Variants in ATP10D observed in about 807,000 individuals in gnomAD.
ATP10D encodes the protein ATPase phospholipid transporting 10D (putative), also known as phospholipid-transporting ATPase VD.
Under a neutral mutation model 144.8 loss-of-function variants are expected in ATP10D, and 89 were observed. The ratio of observed to expected loss-of-function variants is 0.61; its 90% CI spans 0.52 to 0.73. ATP10D has a LOEUF of 0.73. Ranked by LOEUF, ATP10D falls within the 30% of genes least tolerant of loss-of-function variation. The pLI is 0.00. For missense variants in ATP10D, 1,603 were observed against 1,714.8 expected (o/e 0.93, Z 1.15); for synonymous variants, 571 against 615.1 (o/e 0.93, Z 1.06).
At chr4:47,526,954 C>A (rs73813579) in intron 5 of ATP10D, among the ~76,000 whole-genome samples, 124 of 152,162 alleles carry the variant, frequency 8.1e-4, no homozygotes, top group African/African-American at 2.8e-3. Context: ...AAGAAATTGA[C>A]AATCTTATTT....
intron 16 of ATP10D, among the ~76,000 whole-genome samples, 168 bp from the exon 17 acceptor site, chr4:47,571,986 A>T (rs1719975969): frequency 6.6e-6 from 1 of 152,340 alleles, no homozygotes; most frequent in South Asian, 2.1e-4. Context: ...TCCTGATGGC[A>T]GTGGGATGCC....
intron 18 of ATP10D, among the ~76,000 whole-genome samples, chr4:47,574,671 G>C (rs1340409239): frequency 2.0e-5 from 3 of 152,172 alleles, no homozygotes; most frequent in Non-Finnish European, 4.4e-5. Flanking sequence ...TAGATCACGA[G>C]GTCAAGAGAT....
intron 1 of ATP10D, among the ~76,000 whole-genome samples, chr4:47,498,034 T>G (rs1031870527): frequency 6.6e-6 from 1 of 152,226 alleles, no homozygotes; most frequent in African/African-American, 2.4e-5. Context: ...ATGTCAGATG[T>G]CTTACGTACA....
At chr4:47,550,497 G>A (rs1157433396) in intron 10 of ATP10D, among the ~76,000 whole-genome samples, 7 of 151,990 alleles carry the variant, frequency 4.6e-5, no homozygotes, top group South Asian at 2.1e-4. Flanking sequence ...TGGGGGGGGC[G>A]GTCCTTGCTC....
At chr4:47,542,626 C>A (rs566268812) in intron 9 of ATP10D, among the ~76,000 whole-genome samples, 3 of 151,732 alleles carry the variant, frequency 2.0e-5, no homozygotes, top group Non-Finnish European at 2.9e-5. Context: ...TACAGGTGCC[C>A]GCCACCACAC....
chr4:47,525,507 T>C (rs1456717319), intron 4 of ATP10D, 50 bp from the exon 5 acceptor site: 1 of 1,305,176 alleles, frequency 7.7e-7, no homozygotes, highest in East Asian at 2.3e-5. Context: ...ACTTCAATAT[T>C]AAGGGTTTAA....
At chr4:47,511,391 C>T (rs1047954673) in intron 1 of ATP10D, among the ~76,000 whole-genome samples, 1 of 152,074 alleles carries the variant, frequency 6.6e-6, no homozygotes, top group African/African-American at 2.4e-5. Context: ...TATCCAGGCA[C>T]AACTACATAT....
chr4:47,555,712 A>G (rs554988778), intron 11 of ATP10D, among the ~76,000 whole-genome samples: 1 of 152,136 alleles, frequency 6.6e-6, no homozygotes, highest in African/African-American at 2.4e-5. Context: ...CAGGCAAAAT[A>G]TACCGTATTG....
intron 1 of ATP10D, among the ~76,000 whole-genome samples, chr4:47,509,961 T>C (rs1716231597): frequency 1.3e-5 from 2 of 151,248 alleles, no homozygotes. Flanking sequence ...TGTGTGTGTG[T>C]GTGTGTGTGT....
At chr4:47,583,669 A>T (rs564958664) in intron 21 of ATP10D, among the ~76,000 whole-genome samples, 1 of 152,354 alleles carries the variant, frequency 6.6e-6, no homozygotes, top group South Asian at 2.1e-4. Context: ...AAAGGTTCTG[A>T]CATTTATTAG....
At position 47,536,473 on chromosome 4, in the gene ATP10D, A is replaced by AT. The variant is rs911237323; in HGVS notation, c.1058dup (p.Asn354GlnfsTer6). 5.0e-6 allele frequency: 8 copies of AT among 1,613,468 alleles called. No homozygotes were observed. Among genetic ancestry groups the AT allele is most frequent in the South Asian group, 1.1e-5 (1 of 91,062 alleles). On this transcript the variant is annotated frameshift_variant, in exon 8 of 23. Coordinates refer to ENST00000273859, the MANE Select transcript of ATP10D (RefSeq NM_020453.4). LOFTEE classifies it high-confidence loss of function. ...TGGCTGAGCAGGTATGAAAAGATGC[A>AT]TTTTTTCAATGTTCCCGAGCCTGAT...
intron 1 of ATP10D, among the ~76,000 whole-genome samples, chr4:47,499,714 A>C (rs28361369): frequency 0.028 from 4,191 of 152,318 alleles, 198 homozygotes; most frequent in African/African-American, 0.095. Flanking sequence ...TTGTATAATG[A>C]TTTCTATCCT....
At chr4:47,510,578 TG>T (rs1423676168) in intron 1 of ATP10D, among the ~76,000 whole-genome samples, 1 of 152,194 alleles carries the variant, frequency 6.6e-6, no homozygotes, top group African/African-American at 2.4e-5. Flanking sequence ...AGTTCTTGTC[TG>T]GGTTGTGGAA....
chr4:47,518,110 A>G (rs994660763), intron 3 of ATP10D, among the ~76,000 whole-genome samples: 1 of 152,206 alleles, frequency 6.6e-6, no homozygotes, highest in Non-Finnish European at 1.5e-5. Flanking sequence ...GTAAATGTAT[A>G]TGAAATACAA....
rs1321916728 is a variant in ATP10D, at chr4:47,563,720, A to G, written c.2808A>G (p.Leu936=). Residue 936 remains leucine, a synonymous_variant, in exon 15 of 23, where the codon CTA becomes CTG. Transcript: ENST00000273859. ...TAVNIAYACK[L]LEPDDKLFIL... ...TCAACATAGCTTATGCATGCAAACT[A>G]CTGGAGCCAGATGACAAGCTTTTTA... is the stretch of plus-strand genomic sequence containing the variant. 4 of 1,612,358 alleles carry G rather than the reference A, an allele frequency of 2.5e-6. No homozygotes were observed. Among genetic ancestry groups the G allele is most frequent in the East Asian group, 4.5e-5 (2 of 44,864 alleles).
In ATP10D at chr4:47,535,583, C is replaced by G. The variant is rs760633635; in HGVS notation, c.851C>G (p.Thr284Arg). The change falls in exon 6 of 23, where the codon ACA (threonine) becomes AGA (arginine). Residue 284 changes from threonine to arginine, a missense_variant. Physicochemically the swap from Thr to Arg is moderately conservative, Grantham distance 71. Coordinates refer to ENST00000273859, the MANE Select transcript of ATP10D (RefSeq NM_020453.4). ...CTTAGAGGATGCACCATTAGAAACA[C>G]AGAGGCTGTTGTGGGCATTGTGGTT... ...LLLRGCTIRN[T>R]EAVVGIVVYA... The G allele has an allele frequency of 9.3e-6, 15 of 1,613,072 alleles. No individual in the cohort carries two copies. Among genetic ancestry groups the G allele is most frequent in the Non-Finnish European group, 1.3e-5 (15 of 1,179,414 alleles).
Position 47,558,231 on chromosome 4 carries a change from G to A in ATP10D, c.2392G>A (p.Ala798Thr), listed in dbSNP as rs780443888. 21 of 1,614,012 alleles carry A rather than the reference G, an allele frequency of 1.3e-5. No individual in the cohort carries two copies. The highest frequency in any genetic ancestry group is 3.3e-5 in the Admixed American group (2 of 60,004). ...SNQVVVYTKG[A>T]DSVIMELLSV... ...TCAAGTTGTGGTGTATACGAAAGGC[G>A]CTGATTCTGTGATCATGGAGTTACT... Residue 798 changes from alanine (A) to threonine (T), a missense_variant, in exon 12 of 23, where the codon GCT (alanine) becomes ACT (threonine). Ala to Thr is a moderately conservative substitution (Grantham distance 58, BLOSUM62 0). Coordinates refer to ENST00000273859, the MANE Select transcript of ATP10D (RefSeq NM_020453.4).
chr4:47,497,097 T>TC (rs1715427001), intron 1 of ATP10D, among the ~76,000 whole-genome samples: 1 of 152,092 alleles, frequency 6.6e-6, no homozygotes, highest in Non-Finnish European at 1.5e-5. Context: ...CACCTCGGCC[T>TC]CCCGAATTGC....
intron 1 of ATP10D, among the ~76,000 whole-genome samples, chr4:47,501,231 A>G (rs1403881386): frequency 6.6e-6 from 1 of 152,234 alleles, no homozygotes; most frequent in African/African-American, 2.4e-5. Flanking sequence ...GTTTATGGGT[A>G]GGATCAGTGA....
Sources: allele counts gnomAD v4.1 joint callset (sites outside exome capture counted in the v4.1 genomes callset), GRCh38; gene constraint gnomAD v4.1.1; transcripts MANE v1.5; gene names NCBI Gene and HGNC (gene_info 2026-07-23, HGNC 2026-07-21).